FRMD6: variants seen among roughly 807,000 people sequenced by gnomAD.
The protein encoded by FRMD6 is FERM domain containing 6, also known as FERM domain-containing protein 6.
Under a neutral mutation model 73.2 loss-of-function variants are expected in FRMD6, and 37 were observed. The ratio of observed to expected loss-of-function variants is 0.51; its 90% CI spans 0.39 to 0.66. FRMD6 has a LOEUF of 0.66. Ranked by LOEUF, FRMD6 falls within the 30% of genes least tolerant of loss-of-function variation. The pLI, the probability that FRMD6 is intolerant of heterozygous loss-of-function variation, is 0.00. For missense variants in FRMD6, 714 were observed against 780.5 expected (o/e 0.91, Z 1.02); for synonymous variants, 273 against 282.2 (o/e 0.97, Z 0.33).
chr14:51,455,947 G>A, the FRMD6 span, among the ~76,000 whole-genome samples: 3 of 152,134 alleles, frequency 2.0e-5, no homozygotes, highest in East Asian at 5.8e-4. Context: ...TTTAGGAGAA[G>A]GTCTTGGACC....
At chr14:51,411,538 T>C in the FRMD6 span, among the ~76,000 whole-genome samples, 1 of 152,214 alleles carries the variant, frequency 6.6e-6, no homozygotes, top group African/African-American at 2.4e-5. Context: ...AGCCCACTTG[T>C]AACCATTGCT....
chr14:51,730,580 C>T lies in FRMD6; in HGVS notation c.*2551C>T, dbSNP rs574644939. On this transcript the variant is annotated 3_prime_UTR_variant, in exon 14 of 14. Coordinates refer to ENST00000344768, the MANE Select transcript of FRMD6 (RefSeq NM_001267046.2). ...ACAGTGAGCTTTATATCTACATAAA[C>T]TGTAAATAATCCTTTCTGTGAAAGG... The T allele has an allele frequency of 2.6e-5, 4 of 152,604 alleles. No homozygotes were observed. The highest frequency in any genetic ancestry group is 9.6e-5 in the African/African-American group (4 of 41,528). The allele number at this position is 152,604 out of a possible 1,614,324, so 9.5% of individuals were successfully genotyped here. A position where few individuals can be genotyped will look rare whatever the true frequency, so the allele number is the denominator to read the frequency against.
the FRMD6 span, among the ~76,000 whole-genome samples, chr14:51,467,728 C>T: frequency 6.7e-6 from 1 of 149,278 alleles, no homozygotes; most frequent in African/African-American, 2.5e-5. Flanking sequence ...ACATCCCAGA[C>T]GATGGGTGGC....
At chr14:51,678,046 C>T (rs773992500) in intron 1 of FRMD6, among the ~76,000 whole-genome samples, 16 of 152,112 alleles carry the variant, frequency 1.1e-4, no homozygotes, top group Admixed American at 4.6e-4. Context: ...TTATAAATTT[C>T]GCTTATTTAA....
At chr14:51,554,374 A>T (rs1056009546) in intron 1 of FRMD6, among the ~76,000 whole-genome samples, 1 of 152,180 alleles carries the variant, frequency 6.6e-6, no homozygotes, top group African/African-American at 2.4e-5. Flanking sequence ...TGTAACTCCC[A>T]ATTCCTTAAT....
chr14:51,520,828 G>T (rs1005600674), intron 1 of FRMD6, among the ~76,000 whole-genome samples: 2 of 152,078 alleles, frequency 1.3e-5, no homozygotes, highest in African/African-American at 2.4e-5. Context: ...AGGATCACCT[G>T]AGCCTGAGGA....
chr14:51,649,091 A>G (rs1892209561), upstream of FRMD6, among the ~76,000 whole-genome samples: 3 of 152,206 alleles, frequency 2.0e-5, no homozygotes, highest in Admixed American at 1.3e-4. Flanking sequence ...TGTGATAAGA[A>G]ATATCTAAAA....
At chr14:51,633,856 T>G (rs941846005) in intron 2 of FRMD6, among the ~76,000 whole-genome samples, 1 of 152,218 alleles carries the variant, frequency 6.6e-6, no homozygotes, top group Non-Finnish European at 1.5e-5. Context: ...AGTGACAATT[T>G]GATGTATCTT....
rs1177279345 is a variant in FRMD6, at chr14:51,689,720, A to G, written c.-117A>G. 1.3e-5 allele frequency: 9 copies of G among 713,240 alleles called. No individual in the cohort carries two copies. Among genetic ancestry groups the G allele is most frequent in the Middle Eastern group, 8.0e-4 (2 of 2,508 alleles). The allele number at this position is 713,240 out of a possible 1,614,324, so 44.2% of individuals were successfully genotyped here. A position where few individuals can be genotyped will look rare whatever the true frequency, so the allele number is the denominator to read the frequency against. ...GAAACCCACGTAGTCGAACACCGTG[A>G]TGCTTCTCCTGCAGGGCGTGTGATG... On this transcript the variant is annotated 5_prime_UTR_variant, in exon 2 of 14. It removes an upstream start codon present in the reference 5' UTR. Coordinates refer to ENST00000344768, the MANE Select transcript of FRMD6 (RefSeq NM_001267046.2).
rs577422588 is a variant in FRMD6 at position 51,612,787 on chromosome 14, TTAAA to T, written c.-147+42382_-147+42385del. ...AGACTACTTGGAATTTCTCTGGATA[TTAAA>T]TAAACCCCTACCAGTTCTCAGCACT... On this transcript the variant is annotated intron_variant, in intron 2 of 14. Coordinates refer to the FRMD6 transcript ENST00000356218. 1.8e-3 allele frequency among the ~76,000 whole-genome samples: 273 copies of T among 152,302 alleles called. 1 individual carries two copies. Among genetic ancestry groups the T allele is most frequent in the African/African-American group, 6.3e-3 (262 of 41,566 alleles).
At chr14:51,516,144 G>T (rs1398500057) in intron 1 of FRMD6, among the ~76,000 whole-genome samples, 1 of 152,122 alleles carries the variant, frequency 6.6e-6, no homozygotes, top group African/African-American at 2.4e-5. Flanking sequence ...CCAAAGAGCT[G>T]CCCACTGGTG....
chr14:51,691,453 CTGTGTTATCAACT>C (rs1264031421), intron 2 of FRMD6, among the ~76,000 whole-genome samples: 1 of 151,984 alleles, frequency 6.6e-6, no homozygotes, highest in Non-Finnish European at 1.5e-5. Flanking sequence ...CAACCCCTCT[CTGTGTTATCAACT>C]TTCATACTGT....
intron 1 of FRMD6, among the ~76,000 whole-genome samples, chr14:51,662,050 A>G (rs1220448347): frequency 6.6e-6 from 1 of 152,200 alleles, no homozygotes; most frequent in Non-Finnish European, 1.5e-5. Flanking sequence ...ATTTTGAAAT[A>G]GAGAAACGGT....
At chr14:51,703,497 C>CT (rs1334053474) in intron 5 of FRMD6, among the ~76,000 whole-genome samples, 6 of 151,846 alleles carry the variant, frequency 4.0e-5, no homozygotes, top group African/African-American at 1.5e-4. Flanking sequence ...GGCTAAGACA[C>CT]TTTATTAGTT....
Position 51,689,874 on chromosome 14 carries a change from A to G in FRMD6, c.38A>G (p.Gln13Arg), listed in dbSNP as rs767584282. The part of the protein sequence containing the change: ...KLNFHNNRVM[Q>R]DRRSVCIFLP... ...AATTTTCATAACAACAGAGTCATGC[A>G]AGACCGCCGCAGTGTGTGCATTTTC... The change falls in exon 2 of 14, where the codon CAA becomes CGA. Residue 13 changes from glutamine to arginine, a missense_variant. By Grantham distance (43) the Gln-to-Arg change is conservative. Transcript: ENST00000344768. 2.4e-5 allele frequency: 39 copies of G among 1,613,468 alleles called. No homozygotes were observed. Among genetic ancestry groups the G allele is most frequent in the Non-Finnish European group, 3.1e-5 (37 of 1,179,690 alleles).
chr14:51,571,623 T>C (rs560229689), intron 2 of FRMD6, among the ~76,000 whole-genome samples: 69 of 152,336 alleles, frequency 4.5e-4, no homozygotes, highest in African/African-American at 1.6e-3. Context: ...GTACCTTTGC[T>C]GAAGATGATG....
chr14:51,585,555 G>A (rs567066343), intron 2 of FRMD6, among the ~76,000 whole-genome samples: 1 of 152,152 alleles, frequency 6.6e-6, no homozygotes, highest in African/African-American at 2.4e-5. Context: ...TCAAATCCAG[G>A]TTTCACATTT....
intron 2 of FRMD6, chr14:51,579,248 T>C (rs1888576632): frequency 6.6e-6 from 1 of 152,128 alleles, no homozygotes; most frequent in Non-Finnish European, 1.5e-5. Flanking sequence ...ATATAACTAA[T>C]ATTTAAGTTT....
At chr14:51,673,794 T>C (rs748342092) in intron 1 of FRMD6, among the ~76,000 whole-genome samples, 2 of 152,232 alleles carry the variant, frequency 1.3e-5, no homozygotes, top group African/African-American at 4.8e-5. Flanking sequence ...TTCTGAGAAA[T>C]GGTCCTTGAA....
Sources: allele counts gnomAD v4.1 joint callset (sites outside exome capture counted in the v4.1 genomes callset), GRCh38; gene constraint gnomAD v4.1.1; transcripts MANE v1.5; gene names NCBI Gene and HGNC (gene_info 2026-07-23, HGNC 2026-07-21).